FCRL2: variants seen among roughly 807,000 people sequenced by gnomAD.
FCRL2 encodes Fc receptor-like protein 2.
A neutral mutation model predicts 59.8 loss-of-function variants in FCRL2; 48 were observed. That is an observed-to-expected ratio of 0.80 (90% CI 0.64 to 1.02). The LOEUF (loss-of-function observed/expected upper bound fraction) is 1.02, where lower values mean the gene tolerates loss of function less well. FCRL2 is among the 50% of genes least tolerant of loss of function. The pLI is 0.00. For synonymous variants in FCRL2, 251 were observed against 229.5 expected (o/e 1.09, Z -0.85); for missense variants, 658 against 597.3 (o/e 1.10, Z -1.06).
At chr1:157,763,239 T>C (rs919372882) in intron 7 of FCRL2, among the ~76,000 whole-genome samples, 3 of 152,180 alleles carry the variant, frequency 2.0e-5, no homozygotes, top group African/African-American at 7.2e-5. Flanking sequence ...TTAAAATATA[T>C]AGATGGGGTG....
intron 7 of FCRL2, among the ~76,000 whole-genome samples, chr1:157,750,050 C>T (rs576379659): frequency 1.9e-4 from 29 of 152,160 alleles, no homozygotes. Flanking sequence ...TTTTATTGCT[C>T]TTCTGTATTA....
intron 7 of FCRL2, among the ~76,000 whole-genome samples, chr1:157,763,088 T>C (rs778564159): frequency 6.6e-6 from 1 of 152,092 alleles, no homozygotes; most frequent in Non-Finnish European, 1.5e-5. Flanking sequence ...TTCCCCAAGA[T>C]TGTTAGACGT....
intron 7 of FCRL2, among the ~76,000 whole-genome samples, chr1:157,754,021 GA>G (rs924122101): frequency 8.3e-5 from 12 of 144,934 alleles, no homozygotes; most frequent in East Asian, 4.2e-4. Flanking sequence ...ATAGCTATCT[GA>G]AAAAAAAGAT....
At position 157,770,216 on chromosome 1, in the gene FCRL2, G is replaced by A. The variant is rs1649894695; in HGVS notation, c.311-66C>T. ...CTAAGATTCCTGCTGAAAAGCCTCT[G>A]GCAAGAAGCAACCCCAGCAAACAGG... On this transcript the variant is annotated intron_variant, in intron 3 of 11. Transcript: ENST00000361516. 3 of 1,567,666 alleles carry A rather than the reference G, an allele frequency of 1.9e-6. No homozygotes were observed. In the East Asian group the frequency reaches 6.8e-5, roughly 35 times the overall value.
intron 8 of FCRL2, 38 bp from the exon 9 acceptor site, chr1:157,748,998 G>T: frequency 6.4e-7 from 1 of 1,560,116 alleles, no homozygotes; most frequent in Non-Finnish European, 8.8e-7. Flanking sequence ...TAATCCCCAG[G>T]GCAGTGAGTG....
chr1:157,765,295 T>C (rs1649408789), intron 7 of FCRL2, among the ~76,000 whole-genome samples: 1 of 152,108 alleles, frequency 6.6e-6, no homozygotes, highest in Non-Finnish European at 1.5e-5. Context: ...GATTGAACCA[T>C]TAATAATCAG....
At chr1:157,749,539 C>A in intron 8 of FCRL2, 111 bp downstream of exon 8, 1 of 723,878 alleles carries the variant, frequency 1.4e-6, no homozygotes, top group Non-Finnish European at 2.3e-6. Context: ...AGAAAGATAC[C>A]ATGTTAATTA....
chr1:157,761,676 G>A (rs1330423721), intron 7 of FCRL2, among the ~76,000 whole-genome samples: 1 of 152,134 alleles, frequency 6.6e-6, no homozygotes, highest in Non-Finnish European at 1.5e-5. Flanking sequence ...CCTGCCATAT[G>A]TGGATGACAC....
chr1:157,775,717 G>A (rs1321445818), intron 2 of FCRL2, 58 bp downstream of exon 2: 1 of 1,592,106 alleles, frequency 6.3e-7, no homozygotes. Flanking sequence ...AGAATCCTGG[G>A]GTAGTGGGGT....
chr1:157,759,765 C>A lies in FCRL2; in HGVS notation c.1279+7090G>T, dbSNP rs114276551. Among the ~76,000 whole-genome samples, 993 of 152,170 alleles carry A rather than the reference C, an allele frequency of 6.5e-3. 7 individuals are homozygous for A. Among genetic ancestry groups the A allele is most frequent in the African/African-American group, 0.023 (950 of 41,530 alleles). On this transcript the variant is annotated intron_variant, in intron 7 of 11. Coordinates refer to ENST00000361516, the MANE Select transcript of FCRL2 (RefSeq NM_030764.4). ...AATGAGATACCATCTCACACCAGTC[C>A]GAATGGCTATTAAAAAGTCAAAAAA... is the stretch of plus-strand genomic sequence containing the variant.
chr1:157,767,746 T>C (rs1649634472), intron 5 of FCRL2: 1 of 1,472,730 alleles, frequency 6.8e-7, no homozygotes, highest in Non-Finnish European at 9.0e-7. Flanking sequence ...CTCATCTGAT[T>C]GTTTTCCTGT....
intron 7 of FCRL2, among the ~76,000 whole-genome samples, chr1:157,766,077 T>C (rs1184456266): frequency 6.6e-6 from 1 of 152,186 alleles, no homozygotes; most frequent in Non-Finnish European, 1.5e-5. Flanking sequence ...TCTTATGATC[T>C]ATATCATGGA....
intron 7 of FCRL2, among the ~76,000 whole-genome samples, chr1:157,762,438 G>A (rs1339686174): frequency 6.6e-6 from 1 of 152,202 alleles, no homozygotes; most frequent in East Asian, 1.9e-4. Context: ...CCAAGAATTG[G>A]CACATTTTTG....
At chr1:157,760,799 A>T (rs1258163853) in intron 7 of FCRL2, among the ~76,000 whole-genome samples, 1 of 151,418 alleles carries the variant, frequency 6.6e-6, no homozygotes, top group Non-Finnish European at 1.5e-5. Context: ...GGAGGGAAGG[A>T]AGGAAGGAAG....
chr1:157,768,791 G>A, intron 4 of FCRL2, 90 bp from the exon 5 acceptor site: 1 of 1,249,014 alleles, frequency 8.0e-7, no homozygotes, highest in Non-Finnish European at 1.1e-6. Context: ...CAAAATGTGG[G>A]AATGTGGAGA....
rs1649857940 is a variant in FCRL2, at chr1:157,769,921, T to A, written c.540A>T (p.Glu180Asp). 1 of 1,614,092 alleles carries A rather than the reference T, an allele frequency of 6.2e-7. No homozygotes were observed. The highest frequency in any genetic ancestry group is 1.7e-5 in the Admixed American group (1 of 60,008). Residue 180 changes from glutamate (E) to aspartate (D), a missense_variant, in exon 4 of 12, where the codon GAA becomes GAT. Physicochemically the swap from Glu to Asp is conservative, Grantham distance 45. Coordinates refer to ENST00000361516, the MANE Select transcript of FCRL2 (RefSeq NM_030764.4). ...EDTGSYWCKAETVTHRIRKQS... is the reference protein window; with the variant it reads ...EDTGSYWCKADTVTHRIRKQS... ...GTTTTCTGATCCTGTGAGTCACCGT[T>A]TCTGCCTTGCACCAGTAAGACCCTG...
In FCRL2 at chr1:157,765,474, A is replaced by G. The variant is rs1408929355; in HGVS notation, c.1279+1381T>C. ...AGAATTACCCTGATACCAAAATCAG[A>G]CATGAATACAACCAAAAAAGAAAAC... is the stretch of plus-strand genomic sequence containing the variant. On this transcript the variant is annotated intron_variant, in intron 7 of 11. Transcript: ENST00000361516. Among the ~76,000 whole-genome samples the G allele has an allele frequency of 5.3e-5, 8 of 152,344 alleles. No individual in the cohort carries two copies. The South Asian group carries it at 1.7e-3, about 32-fold the overall frequency.
At chr1:157,765,859 A>G (rs1043928374) in intron 7 of FCRL2, among the ~76,000 whole-genome samples, 2 of 152,248 alleles carry the variant, frequency 1.3e-5, no homozygotes, top group African/African-American at 2.4e-5. Context: ...TTTGAAATTC[A>G]TTGATTAAAT....
Position 157,748,911 on chromosome 1 carries a change from G to A in FCRL2, c.1357C>T (p.Pro453Ser). The A allele has an allele frequency of 6.2e-7, 1 of 1,613,908 alleles. No individual in the cohort carries two copies. ...ACTGGCTGCAGCTCCTCCATGTCTGGGGTTGGGCTTGAATAGGTGAACTCT... is the reference window on the plus strand; with the variant it reads ...ACTGGCTGCAGCTCCTCCATGTCTGAGGTTGGGCTTGAATAGGTGAACTCT... The part of the protein sequence containing the change: ...PQEFTYSSPT[P>S]DMEELQPVYV... The change falls in exon 9 of 12, where the codon CCA becomes TCA. Residue 453 changes from proline (P) to serine (S), a missense_variant. Physicochemically the swap from Pro to Ser is moderately conservative, Grantham distance 74. Transcript: ENST00000361516.
Sources: gnomAD v4.1 joint callset for allele counts (sites outside exome capture counted in the v4.1 genomes callset) on GRCh38, gnomAD v4.1.1 for gene constraint, MANE v1.5 for transcripts, NCBI Gene and HGNC (gene_info 2026-07-23, HGNC 2026-07-21) for gene names.